Variants in PIGN observed in about 807,000 individuals in gnomAD.
PIGN encodes phosphatidylinositol glycan anchor biosynthesis class N.
Under a neutral mutation model 125.4 loss-of-function variants are expected in PIGN, and 117 were observed. That is an observed-to-expected ratio of 0.93 (90% CI 0.80 to 1.09). The LOEUF (loss-of-function observed/expected upper bound fraction) is 1.09, where lower values mean the gene tolerates loss of function less well. PIGN is among the 50% of genes least tolerant of loss of function. PIGN has a pLI of 0.00. For synonymous variants in PIGN, 392 were observed against 377.8 expected, an observed-to-expected ratio of 1.04 and a Z score of -0.44; for missense variants, 1,075 against 1,094.9, an observed-to-expected ratio of 0.98 and a Z score of 0.26.
intron 7 of PIGN, among the ~76,000 whole-genome samples, chr18:62,149,315 C>T (rs923507130): frequency 2.0e-5 from 3 of 151,920 alleles, no homozygotes; most frequent in Admixed American, 6.6e-5. Context: ...TATAAAATTG[C>T]CCCCTAACTT....
intron 23 of PIGN, chr18:62,017,756 A>G (rs1405057245): frequency 6.9e-6 from 1 of 145,112 alleles, no homozygotes; most frequent in Non-Finnish European, 1.5e-5. Flanking sequence ...TGAAGTGGAG[A>G]AAAAAAAAAA....
intron 23 of PIGN, among the ~76,000 whole-genome samples, chr18:62,030,956 G>T (rs1188839949): frequency 6.6e-6 from 1 of 152,040 alleles, no homozygotes; most frequent in Non-Finnish European, 1.5e-5. Context: ...TACAGCCTGG[G>T]GAACACAGTG....
chr18:62,171,129 A>C (rs1255146784), intron 1 of PIGN, among the ~76,000 whole-genome samples: 3 of 152,232 alleles, frequency 2.0e-5, no homozygotes, highest in Admixed American at 6.5e-5. Context: ...GTCCAGGAAT[A>C]CAGTATAACT....
chr18:62,133,907 T>C (rs1004910813), intron 14 of PIGN, among the ~76,000 whole-genome samples: 3 of 152,210 alleles, frequency 2.0e-5, no homozygotes, highest in African/African-American at 7.2e-5. Context: ...ACCAAAAACT[T>C]TTACATGTGT....
chr18:62,113,670 T>A (rs1252557275), intron 15 of PIGN, among the ~76,000 whole-genome samples: 1 of 152,154 alleles, frequency 6.6e-6, no homozygotes, highest in Non-Finnish European at 1.5e-5. Context: ...TTATATTTTT[T>A]CTCATATGAG....
chr18:62,140,589 G>A, intron 11 of PIGN, 110 bp from the exon 12 acceptor site: 1 of 560,704 alleles, frequency 1.8e-6, no homozygotes, highest in South Asian at 2.4e-5. Flanking sequence ...GTTATAATCA[G>A]TTACCTTCAA....
chr18:62,096,273 T>A (rs958643303), intron 22 of PIGN, among the ~76,000 whole-genome samples: 5 of 151,400 alleles, frequency 3.3e-5, no homozygotes, highest in African/African-American at 4.9e-5. Flanking sequence ...CCAGCCTGGG[T>A]GACAAGAGTG....
chr18:62,145,917 A>T lies in PIGN; in HGVS notation c.914T>A (p.Phe305Tyr). The T allele has an allele frequency of 6.5e-7, 1 of 1,530,454 alleles. No individual in the cohort carries two copies. 94.8% of individuals were successfully genotyped at this position (1,530,454 alleles called of 1,614,324 possible). Reference protein sequence around the residue: ...RVSAQQFDDAFLKEWRLENWK... With the variant: ...RVSAQQFDDAYLKEWRLENWK... ...TAAAGAAATGCTTGTACCTTTCAAA[A>T]ATGCATCATCAAATTGCTGAGCTGA... The change falls in exon 10 of 31, where the codon TTT (phenylalanine) becomes TAT (tyrosine). Residue 305 changes from phenylalanine (F) to tyrosine (Y), a missense_variant. Coordinates refer to ENST00000640252, the MANE Select transcript of PIGN (RefSeq NM_176787.5).
At chr18:62,094,199 AAATTAAACTTC>A (rs1266368139) in intron 23 of PIGN, among the ~76,000 whole-genome samples, 1 of 152,134 alleles carries the variant, frequency 6.6e-6, no homozygotes, top group East Asian at 1.9e-4. Flanking sequence ...TTTTCATTCA[AAATTAAACTTC>A]AATTATCCTT....
chr18:62,148,573 A>G (rs1022783518), intron 7 of PIGN, among the ~76,000 whole-genome samples: 5 of 152,190 alleles, frequency 3.3e-5, no homozygotes, highest in Non-Finnish European at 7.4e-5. Context: ...GATGTTAGAA[A>G]GGGGATCATA....
rs201619925 is a variant in PIGN at position 62,183,234 on chromosome 18, T to A, written c.-236+3610A>T. 2.1e-5 allele frequency among the ~76,000 whole-genome samples: 3 copies of A among 145,896 alleles called. No individual in the cohort carries two copies. In the East Asian group the frequency reaches 6.2e-4, roughly 30 times the overall value. On this transcript the variant is annotated intron_variant, in intron 1 of 30. Transcript: ENST00000640252. ...ATACATAAAATCGTATATTAAAAAA[T>A]AAATTTAAAAATGAAGTCACAGCTG... is the stretch of plus-strand genomic sequence containing the variant.
intron 14 of PIGN, among the ~76,000 whole-genome samples, chr18:62,128,670 T>C (rs889065920): frequency 1.3e-5 from 1 of 77,776 alleles, no homozygotes; most frequent in East Asian, 9.2e-4. Flanking sequence ...TATCCTTTGT[T>C]TTCACATTAC....
chr18:62,059,069 T>C (rs907280589), intron 30 of PIGN: 3 of 150,022 alleles, frequency 2.0e-5, no homozygotes. Context: ...GGCACACAGC[T>C]GTGGTCCTCA....
intron 14 of PIGN, among the ~76,000 whole-genome samples, chr18:62,116,529 T>C (rs2035092716): frequency 6.6e-6 from 1 of 152,222 alleles, no homozygotes; most frequent in Non-Finnish European, 1.5e-5. Flanking sequence ...ATCATAAAGA[T>C]GTTCCCCTCT....
At chr18:62,122,284 C>T (rs1454646731) in intron 14 of PIGN, among the ~76,000 whole-genome samples, 1 of 152,024 alleles carries the variant, frequency 6.6e-6, no homozygotes, top group Non-Finnish European at 1.5e-5. Context: ...GTATCATGTA[C>T]CCCTAAAATA....
Position 62,045,931 on chromosome 18 carries a change from G to A in PIGN, c.2721C>T (p.Phe907=), listed in dbSNP as rs780384079. Residue 907 remains phenylalanine, a synonymous_variant, in exon 31 of 31, where the codon TTC becomes TTT. Coordinates refer to ENST00000640252, the MANE Select transcript of PIGN (RefSeq NM_176787.5). The stretch of plus-strand genomic sequence containing the variant: ...TGAGCAGCTGGGCCAGGCCATTGAG[G>A]AACACCAAAAAGATGGTCATGGACA... ...IVMSMTIFLV[F]LNGLAQLLTT... The A allele has an allele frequency of 3.5e-5, 56 of 1,613,412 alleles. No individual in the cohort carries two copies. Among genetic ancestry groups the A allele is most frequent in the Non-Finnish European group, 4.7e-5 (55 of 1,179,612 alleles).
rs1413165205 is a variant in PIGN, at chr18:62,147,110, A to G, written c.675-9T>C. Reference sequence around the variant, plus strand: ...TATTGTGCTTGTAGTCTCTATTTGTAAAGAAACAGAGGAACAAATTAAATT... The same window carrying G: ...TATTGTGCTTGTAGTCTCTATTTGTGAAGAAACAGAGGAACAAATTAAATT... On this transcript the variant is annotated splice_polypyrimidine_tract_variant and intron_variant, in intron 8 of 30. Coordinates refer to ENST00000640252, the MANE Select transcript of PIGN (RefSeq NM_176787.5). 6.3e-7 allele frequency: 1 copy of G among 1,588,460 alleles called. No individual in the cohort carries two copies. The highest frequency in any genetic ancestry group is 1.3e-5 in the African/African-American group (1 of 74,388).
chr18:62,087,197 A>G (rs906568327), intron 25 of PIGN, among the ~76,000 whole-genome samples: 1 of 152,230 alleles, frequency 6.6e-6, no homozygotes, highest in East Asian at 1.9e-4. Context: ...GTATGGCTGA[A>G]GATCAGGCAA....
chr18:62,114,784 G>C (rs2035025371), intron 14 of PIGN, 145 bp from the exon 15 acceptor site: 1 of 483,796 alleles, frequency 2.1e-6, no homozygotes, highest in Non-Finnish European at 3.6e-6. Context: ...CTGAATTGCT[G>C]TTTGTTCTCT....
Sources: gnomAD v4.1 joint callset for allele counts (sites outside exome capture counted in the v4.1 genomes callset) on GRCh38, gnomAD v4.1.1 for gene constraint, MANE v1.5 for transcripts, NCBI Gene and HGNC (gene_info 2026-07-23, HGNC 2026-07-21) for gene names.